GRM7: variants seen among roughly 807,000 people sequenced by gnomAD.
The protein encoded by GRM7 is metabotropic glutamate receptor 7.
In GRM7, 35 loss-of-function variants were observed where a neutral mutation model predicts 84.5. The observed-to-expected ratio is 0.41, with a 90% CI of 0.32 to 0.55. The LOEUF (loss-of-function observed/expected upper bound fraction) is 0.55. Among genes scored for constraint, GRM7 ranks in the 20% least tolerant of loss-of-function variants. The probability of loss-of-function intolerance (pLI) is 0.19; values close to 1 mark genes in which losing one functional copy is unlikely to be tolerated. For synonymous variants in GRM7, 487 were observed against 455.1 expected, an observed-to-expected ratio of 1.07 and a Z score of -0.89; for missense variants, 1,003 against 1,194.6, an observed-to-expected ratio of 0.84 and a Z score of 2.36.
intron 7 of GRM7, among the ~76,000 whole-genome samples, chr3:7,509,884 GC>G (rs1035733158): frequency 8.5e-5 from 13 of 152,238 alleles, no homozygotes; most frequent in Admixed American, 7.2e-4. Flanking sequence ...ACCAGTGAAG[GC>G]TTGAAAAGTA....
chr3:7,057,598 A>T (rs1697274487), intron 1 of GRM7, among the ~76,000 whole-genome samples: 1 of 152,030 alleles, frequency 6.6e-6, no homozygotes, highest in Non-Finnish European at 1.5e-5. Flanking sequence ...AAAATAAAAA[A>T]AATCAGTTCA....
In GRM7 at chr3:7,740,491, C is replaced by G. The variant is rs961574115; in HGVS notation, c.*85C>G. On this transcript the variant is annotated 3_prime_UTR_variant, in exon 10 of 10. Transcript: ENST00000357716. The stretch of plus-strand genomic sequence containing the variant: ...CTGGCATAGGACTCTTTGGTCCTAC[C>G]CGCTTCCCATCACCGGAGGAGCTTC... The G allele has an allele frequency of 6.9e-6, 5 of 728,824 alleles. No homozygotes were observed. The highest frequency in any genetic ancestry group is 3.7e-5 in the African/African-American group (2 of 54,056). 45.1% of individuals were successfully genotyped at this position (728,824 alleles called of 1,614,324 possible).
chr3:7,334,185 A>G (rs1283231486), intron 4 of GRM7, among the ~76,000 whole-genome samples: 1 of 152,122 alleles, frequency 6.6e-6, no homozygotes, highest in East Asian at 1.9e-4. Flanking sequence ...AGATAAAGGA[A>G]AGCATCTTAA....
intron 1 of GRM7, among the ~76,000 whole-genome samples, chr3:7,046,443 G>A (rs1234097463): frequency 6.6e-6 from 1 of 152,056 alleles, no homozygotes. Context: ...AAAGTTGTTA[G>A]CACTTTGCTT....
At chr3:7,118,908 A>G (rs1254706802) in intron 1 of GRM7, among the ~76,000 whole-genome samples, 1 of 152,182 alleles carries the variant, frequency 6.6e-6, no homozygotes, top group Non-Finnish European at 1.5e-5. Flanking sequence ...AGGTGGTTAC[A>G]CTTACATTTT....
chr3:7,199,405 CT>C (rs1411824439), intron 2 of GRM7, among the ~76,000 whole-genome samples: 1 of 152,198 alleles, frequency 6.6e-6, no homozygotes, highest in Non-Finnish European at 1.5e-5. Flanking sequence ...AGAAGAACCA[CT>C]TAGCCAATCT....
At chr3:7,530,556 A>G (rs1391715130) in intron 7 of GRM7, among the ~76,000 whole-genome samples, 1 of 152,166 alleles carries the variant, frequency 6.6e-6, no homozygotes, top group Non-Finnish European at 1.5e-5. Context: ...TTACTCTCCT[A>G]CCAACGGTAT....
At chr3:7,679,300 CA>C (rs1242686858) in intron 8 of GRM7, among the ~76,000 whole-genome samples, 1 of 151,872 alleles carries the variant, frequency 6.6e-6, no homozygotes, top group Non-Finnish European at 1.5e-5. Context: ...GAAGGCAAGA[CA>C]GGGGATCAGG....
chr3:7,229,326 GTTAA>G (rs1024817015), intron 2 of GRM7, among the ~76,000 whole-genome samples: 1 of 151,914 alleles, frequency 6.6e-6, no homozygotes, highest in Non-Finnish European at 1.5e-5. Flanking sequence ...ATTTCCACAT[GTTAA>G]TTAATTTAAT....
rs374438772 is a variant in GRM7 at position 7,541,097 on chromosome 3, AG to A, written c.1516-37324del. ...GATATGGGGGCCAGGAAAAGTCAGG[AG>A]TTTGGCAATATTCAGGTTCTTAAAT... On this transcript the variant is annotated intron_variant, in intron 7 of 9. Transcript: ENST00000357716. Among the ~76,000 whole-genome samples, 582 of 152,270 alleles carry A rather than the reference AG, an allele frequency of 3.8e-3. 6 individuals carry two copies. Among genetic ancestry groups the A allele is most frequent in the African/African-American group, 0.013 (559 of 41,570 alleles).
intron 1 of GRM7, among the ~76,000 whole-genome samples, chr3:6,935,855 A>T (rs1360188661): frequency 6.6e-6 from 1 of 151,768 alleles, no homozygotes; most frequent in African/African-American, 2.4e-5. Flanking sequence ...GCCAACACGC[A>T]CGGCTAATTT....
At chr3:6,870,252 G>A (rs79444545) in intron 1 of GRM7, among the ~76,000 whole-genome samples, 3,190 of 152,274 alleles carry the variant, frequency 0.021, 49 homozygotes, top group Non-Finnish European at 0.032. Flanking sequence ...CTTTTAAGTA[G>A]GGTAATAGCG....
chr3:6,955,109 G>A (rs1305252862), intron 1 of GRM7, among the ~76,000 whole-genome samples: 3 of 152,164 alleles, frequency 2.0e-5, no homozygotes, highest in Non-Finnish European at 4.4e-5. Flanking sequence ...GTCACCCTAG[G>A]CAAGTTGACC....
At chr3:7,459,031 A>T (rs996812014) in intron 6 of GRM7, among the ~76,000 whole-genome samples, 3 of 152,152 alleles carry the variant, frequency 2.0e-5, no homozygotes, top group African/African-American at 7.2e-5. Context: ...TTTTCTTCCT[A>T]TACTGGAAAG....
At chr3:6,963,595 C>T (rs749030621) in intron 1 of GRM7, among the ~76,000 whole-genome samples, 5 of 152,050 alleles carry the variant, frequency 3.3e-5, no homozygotes, top group Admixed American at 6.6e-5. Context: ...GTGACAGAGC[C>T]AGAGCTTGCC....
intron 7 of GRM7, among the ~76,000 whole-genome samples, chr3:7,475,813 C>A (rs1163913078): frequency 6.6e-6 from 1 of 152,160 alleles, no homozygotes; most frequent in South Asian, 2.1e-4. Flanking sequence ...ATGGAGTATT[C>A]AAGATTTAGG....
At chr3:7,168,399 G>A (rs1456961085) in intron 2 of GRM7, among the ~76,000 whole-genome samples, 1 of 152,102 alleles carries the variant, frequency 6.6e-6, no homozygotes, top group East Asian at 1.9e-4. Context: ...TTTAGATGAG[G>A]TCATGAAGGT....
intron 5 of GRM7, among the ~76,000 whole-genome samples, chr3:7,449,829 T>C (rs1379283874): frequency 6.6e-6 from 1 of 152,156 alleles, no homozygotes; most frequent in East Asian, 1.9e-4. Flanking sequence ...GTCAAATATT[T>C]AACTTAAAAA....
intron 4 of GRM7, among the ~76,000 whole-genome samples, chr3:7,379,527 C>G (rs1694500536): frequency 6.6e-6 from 1 of 152,102 alleles, no homozygotes; most frequent in African/African-American, 2.4e-5. Flanking sequence ...TCTTCCTAAA[C>G]CTTTATTAGT....
Sources: gnomAD v4.1 joint callset for allele counts (sites outside exome capture counted in the v4.1 genomes callset) on GRCh38, gnomAD v4.1.1 for gene constraint, MANE v1.5 for transcripts, NCBI Gene and HGNC (gene_info 2026-07-23, HGNC 2026-07-21) for gene names.